Variants in SASH1 observed in about 807,000 individuals in gnomAD.
SASH1 encodes SAM and SH3 domain containing 1.
A neutral mutation model predicts 125.2 loss-of-function variants in SASH1; 44 were observed. That is an observed-to-expected ratio of 0.35 (90% CI 0.28 to 0.45). The LOEUF is 0.45. Ranked by LOEUF, SASH1 falls within the 20% of genes least tolerant of loss-of-function variation. The pLI, the probability that SASH1 is intolerant of heterozygous loss-of-function variation, is 1.00. For synonymous variants in SASH1, 639 were observed against 649.1 expected (o/e 0.98, Z 0.24); for missense variants, 1,426 against 1,614.5 (o/e 0.88, Z 2.00).
At chr6:148,310,883 A>G (rs1780307606) in intron 1 of SASH1, among the ~76,000 whole-genome samples, 2 of 152,098 alleles carry the variant, frequency 1.3e-5, no homozygotes, top group Non-Finnish European at 2.9e-5. Context: ...AGCATTGCCT[A>G]TTGGAATAGA....
chr6:148,406,906 A>G (rs1325091651), intron 2 of SASH1, among the ~76,000 whole-genome samples: 7 of 151,256 alleles, frequency 4.6e-5, no homozygotes, highest in African/African-American at 1.7e-4. Context: ...CCAAGGGAGG[A>G]GCAGAGAGAA....
At position 148,548,699 on chromosome 6, in the gene SASH1, T is replaced by A. The variant is rs1782715647; in HGVS notation, c.*141T>A. 1 of 984,034 alleles carries A rather than the reference T, an allele frequency of 1.0e-6. No individual in the cohort carries two copies. Among genetic ancestry groups the A allele is most frequent in the South Asian group, 1.8e-5 (1 of 56,166 alleles). 61.0% of individuals were successfully genotyped at this position (984,034 alleles called of 1,614,324 possible). On this transcript the variant is annotated 3_prime_UTR_variant, in exon 20 of 20. Coordinates refer to ENST00000367467, the MANE Select transcript of SASH1 (RefSeq NM_015278.5). ...GCGTGTGGCCAAACAGCGTGAAACC[T>A]TGGCACAGGACTGAGGATCCTCTCC...
chr6:148,289,863 T>G (rs941948011), intron 1 of SASH1, among the ~76,000 whole-genome samples: 4 of 38,194 alleles, frequency 1.0e-4, no homozygotes, highest in African/African-American at 2.2e-4. Context: ...TTGGTTGTGT[T>G]TTTTTTTTTT....
intron 1 of SASH1, among the ~76,000 whole-genome samples, chr6:148,297,238 G>A (rs898985936): frequency 9.2e-5 from 14 of 152,180 alleles, no homozygotes; most frequent in African/African-American, 3.4e-4. Context: ...GGAGAGGGTC[G>A]CACCAGGGCC....
chr6:148,233,759 A>AAAAAAAAAAAAAAAAAAAAAG, the SASH1 span, among the ~76,000 whole-genome samples: 1 of 138,000 alleles, frequency 7.2e-6, no homozygotes, highest in African/African-American at 2.6e-5. Flanking sequence ...AAAAAAAAAA[A>AAAAAAAAAAAAAAAAAAAAAG]AAAATTAGCT....
intron 4 of SASH1, among the ~76,000 whole-genome samples, chr6:148,449,678 C>A (rs1006128971): frequency 6.6e-6 from 1 of 152,232 alleles, no homozygotes; most frequent in East Asian, 1.9e-4. Flanking sequence ...TGAGCCACTG[C>A]GCCCAGTCGG....
chr6:148,361,700 GA>G (rs1782214417), intron 1 of SASH1, among the ~76,000 whole-genome samples: 1 of 151,990 alleles, frequency 6.6e-6, no homozygotes, highest in Non-Finnish European at 1.5e-5. Context: ...AGAACATTGA[GA>G]AGATAGATAA....
chr6:148,354,816 G>T (rs1409862662), intron 1 of SASH1, among the ~76,000 whole-genome samples: 2 of 152,166 alleles, frequency 1.3e-5, no homozygotes, highest in Non-Finnish European at 1.5e-5. Flanking sequence ...AGGCTGAAGT[G>T]CAGTGGCGCA....
At chr6:148,267,569 G>A (rs936999341), upstream of SASH1, among the ~76,000 whole-genome samples, 2 of 152,014 alleles carry the variant, frequency 1.3e-5, no homozygotes, top group East Asian at 1.9e-4. Flanking sequence ...TAGTAGAGAC[G>A]GGGTTTCACC....
chr6:148,387,687 T>G (rs572503437), intron 1 of SASH1, among the ~76,000 whole-genome samples: 16 of 127,980 alleles, frequency 1.3e-4, no homozygotes, highest in African/African-American at 4.8e-4. Flanking sequence ...TTTCTTTCTT[T>G]CTTTCGGCAT....
At chr6:148,247,380 AT>A in the SASH1 span, among the ~76,000 whole-genome samples, 1 of 152,202 alleles carries the variant, frequency 6.6e-6, no homozygotes, top group African/African-American at 2.4e-5. Flanking sequence ...AGAAATTATA[AT>A]GACACCAAGC....
chr6:148,318,554 CTT>C (rs71004283), intron 1 of SASH1, among the ~76,000 whole-genome samples: 149 of 121,054 alleles, frequency 1.2e-3, no homozygotes, highest in Admixed American at 1.3e-3. Context: ...CTACTAATTT[CTT>C]TTTTTTTTTT....
intron 1 of SASH1, among the ~76,000 whole-genome samples, chr6:148,372,590 A>C (rs1177017805): frequency 6.6e-6 from 1 of 152,170 alleles, no homozygotes; most frequent in Non-Finnish European, 1.5e-5. Context: ...CTTAGAAGGG[A>C]AAAAAATTAA....
chr6:148,218,094 C>A, the SASH1 span, among the ~76,000 whole-genome samples: 2 of 152,050 alleles, frequency 1.3e-5, no homozygotes, highest in Non-Finnish European at 2.9e-5. Context: ...CACCCCAGCA[C>A]CCTCATTTGC....
intron 2 of SASH1, among the ~76,000 whole-genome samples, chr6:148,398,485 C>A (rs954576650): frequency 4.6e-5 from 7 of 152,154 alleles, no homozygotes; most frequent in African/African-American, 1.7e-4. Context: ...GAAAGTGAGA[C>A]TCTGCCCAGC....
At position 148,514,474 on chromosome 6, in the gene SASH1, A is replaced by G; in HGVS notation, c.862+18A>G. ...CACTGAAGGTAAAAAAAAAAAAAAA[A>G]AAAAAAAAAAAAGGCAGACTCCACC... On this transcript the variant is annotated intron_variant, in intron 9 of 19. Transcript: ENST00000367467. The G allele has an allele frequency of 2.1e-6, 3 of 1,415,400 alleles. No homozygotes were observed. The highest frequency in any genetic ancestry group is 2.9e-5 in the East Asian group (1 of 34,588). The allele number at this position is 1,415,400 out of a possible 1,614,324, so 87.7% of individuals were successfully genotyped here.
At chr6:148,267,396 T>TGA (rs1554227766), upstream of SASH1, among the ~76,000 whole-genome samples, 1 of 140,334 alleles carries the variant, frequency 7.1e-6, no homozygotes, top group African/African-American at 2.5e-5. Flanking sequence ...TGTGTGTGTG[T>TGA]GAGATGGAGT....
chr6:148,421,809 T>C (rs1785117133), intron 2 of SASH1, among the ~76,000 whole-genome samples: 1 of 152,250 alleles, frequency 6.6e-6, no homozygotes, highest in Non-Finnish European at 1.5e-5. Flanking sequence ...TTTTAAACTA[T>C]ATTGCTCTCG....
chr6:148,383,359 C>G (rs1783229582), intron 1 of SASH1, among the ~76,000 whole-genome samples: 2 of 151,950 alleles, frequency 1.3e-5, no homozygotes, highest in African/African-American at 2.4e-5. Flanking sequence ...CCATCCATCC[C>G]TCTTCAAACA....
Sources: allele counts gnomAD v4.1 joint callset (sites outside exome capture counted in the v4.1 genomes callset), GRCh38; gene constraint gnomAD v4.1.1; transcripts MANE v1.5; gene names NCBI Gene and HGNC (gene_info 2026-07-23, HGNC 2026-07-21).